PRKCH: variants seen among roughly 807,000 people sequenced by gnomAD.
PRKCH encodes protein kinase C eta type.
Under a neutral mutation model 82.5 loss-of-function variants are expected in PRKCH, and 28 were observed. The observed-to-expected ratio is 0.34, with a 90% CI of 0.25 to 0.47. PRKCH has a LOEUF of 0.47. Among genes scored for constraint, PRKCH ranks in the 20% least tolerant of loss-of-function variants. The probability of loss-of-function intolerance (pLI) is 1.00; values close to 1 mark genes in which losing one functional copy is unlikely to be tolerated. For synonymous variants in PRKCH, 322 were observed against 327.4 expected, an observed-to-expected ratio of 0.98 and a Z score of 0.18; for missense variants, 705 against 881.8, an observed-to-expected ratio of 0.80 and a Z score of 2.54.
At chr14:61,449,900 C>CTCTCTGTG (rs1351833573) in intron 5 of PRKCH, among the ~76,000 whole-genome samples, 22 of 37,000 alleles carry the variant, frequency 5.9e-4, no homozygotes, top group African/African-American at 9.7e-4. Flanking sequence ...CTCTCTCTCT[C>CTCTCTGTG]TGTGTGTGTG....
intron 1 of PRKCH, among the ~76,000 whole-genome samples, chr14:61,256,795 T>G (rs1422983261): frequency 6.6e-6 from 1 of 152,222 alleles, no homozygotes; most frequent in African/African-American, 2.4e-5. Context: ...TATATACCAC[T>G]TAACCATGCA....
intron 1 of PRKCH, among the ~76,000 whole-genome samples, chr14:61,335,992 A>G (rs1283571067): frequency 6.6e-6 from 1 of 152,190 alleles, no homozygotes; most frequent in Non-Finnish European, 1.5e-5. Flanking sequence ...AACCCCTGCA[A>G]GCCTGTTCTC....
chr14:61,280,801 T>C lies in PRKCH; in HGVS notation c.-19+93133T>C, dbSNP rs774916227. ...GTAGCGCCGGTTGTTCTGGTAGAAG[T>C]TGGTCAGCTCGTAGTAGAGGTACAC... is the stretch of plus-strand genomic sequence containing the variant. On this transcript the variant is annotated intron_variant, in intron 1 of 3. Coordinates refer to the PRKCH transcript ENST00000555185. This position sits in a 1 kb window ranked among gnomAD's most constrained non-coding sequence, Gnocchi z 5.0. 1.9e-6 allele frequency: 3 copies of C among 1,560,612 alleles called. No homozygotes were observed. The highest frequency in any genetic ancestry group is 1.7e-4 in the Middle Eastern group (1 of 5,938).
At chr14:61,361,638 A>G (rs1176849224) in intron 1 of PRKCH, among the ~76,000 whole-genome samples, 1 of 152,162 alleles carries the variant, frequency 6.6e-6, no homozygotes, top group Non-Finnish European at 1.5e-5. Context: ...ATAGACTGGG[A>G]ATAGAAATCC....
chr14:61,352,262 A>G (rs879815765), intron 1 of PRKCH, among the ~76,000 whole-genome samples: 3 of 152,052 alleles, frequency 2.0e-5, no homozygotes, highest in African/African-American at 7.3e-5. Flanking sequence ...TTTTTGAACT[A>G]TTTCCCTTAT....
At chr14:61,540,449 G>C (rs2043168679) in intron 12 of PRKCH, among the ~76,000 whole-genome samples, 1 of 152,192 alleles carries the variant, frequency 6.6e-6, no homozygotes, top group Non-Finnish European at 1.5e-5. Context: ...CGTAGGGACT[G>C]AGAGCAAAGG....
At chr14:61,381,039 CTTTA>C (rs2046501677) in intron 1 of PRKCH, among the ~76,000 whole-genome samples, 1 of 152,122 alleles carries the variant, frequency 6.6e-6, no homozygotes, top group Non-Finnish European at 1.5e-5. Flanking sequence ...TAGAGAGTTT[CTTTA>C]GTAGTCTTCA....
chr14:61,454,116 A>G (rs1178138795), intron 7 of PRKCH, among the ~76,000 whole-genome samples: 2 of 127,782 alleles, frequency 1.6e-5, no homozygotes, highest in Non-Finnish European at 3.5e-5. Flanking sequence ...TCTTTTTTCT[A>G]TTTGTTTTTT....
intron 1 of PRKCH, among the ~76,000 whole-genome samples, chr14:61,382,499 T>C (rs1256540763): frequency 6.6e-6 from 1 of 152,204 alleles, no homozygotes; most frequent in Non-Finnish European, 1.5e-5. Context: ...TCCTGTTAGG[T>C]TATTCATACA....
intron 2 of PRKCH, among the ~76,000 whole-genome samples, chr14:61,431,292 C>A (rs1883383776): frequency 1.3e-5 from 2 of 152,322 alleles, no homozygotes; most frequent in African/African-American, 4.8e-5. Flanking sequence ...CAAGGAAAAA[C>A]CAAGGGAGGA....
intron 2 of PRKCH, among the ~76,000 whole-genome samples, chr14:61,396,758 A>G (rs1226253578): frequency 6.6e-6 from 1 of 152,038 alleles, no homozygotes; most frequent in African/African-American, 2.4e-5. Flanking sequence ...GAGGTGCTAA[A>G]GGTAGGGGGT....
chr14:61,279,998 G>T (rs920351967), intron 1 of PRKCH: 1 of 1,086,590 alleles, frequency 9.2e-7, no homozygotes, highest in Non-Finnish European at 1.3e-6. Flanking sequence ...AAAGCTAGGC[G>T]AGGTTGGAAT....
Position 61,453,510 on chromosome 14 carries a change from CTTTT to C in PRKCH, c.960+160_960+163del, listed in dbSNP as rs1339645721. On this transcript the variant is annotated intron_variant, in intron 7 of 13. Coordinates refer to ENST00000332981, the MANE Select transcript of PRKCH (RefSeq NM_006255.5). Reference sequence around the variant, plus strand: ...TTTCTTTCTTTCTCTTTCTTTCTTTCTTTTTTCTTTTCTTTCTTTCTCTTTCTTT... The same window carrying C: ...TTTCTTTCTTTCTCTTTCTTTCTTTCTTCTTTTCTTTCTTTCTCTTTCTTT... Among the ~76,000 whole-genome samples the C allele has an allele frequency of 7.2e-4, 110 of 151,782 alleles. 2 individuals carry two copies. The highest frequency in any genetic ancestry group is 2.5e-3 in the African/African-American group (104 of 41,302).
chr14:61,498,099 C>T (rs1271154847), intron 10 of PRKCH, among the ~76,000 whole-genome samples: 1 of 152,108 alleles, frequency 6.6e-6, no homozygotes, highest in Admixed American at 6.5e-5. Context: ...ACTGCAGCCT[C>T]TCCTCCCGGG....
At chr14:61,539,930 G>A (rs986013689) in intron 12 of PRKCH, among the ~76,000 whole-genome samples, 4 of 152,316 alleles carry the variant, frequency 2.6e-5, no homozygotes, top group Non-Finnish European at 4.4e-5. Flanking sequence ...ACCACATTAC[G>A]TGTTTTAGTT....
intron 1 of PRKCH, among the ~76,000 whole-genome samples, chr14:61,385,545 T>C (rs2140191899): frequency 6.6e-6 from 1 of 152,300 alleles, no homozygotes; most frequent in Non-Finnish European, 1.5e-5. Flanking sequence ...CTCGCTGCAT[T>C]GGTAAAGGGC....
chr14:61,535,236 A>G (rs750434142), intron 12 of PRKCH, among the ~76,000 whole-genome samples: 3 of 152,214 alleles, frequency 2.0e-5, no homozygotes, highest in Non-Finnish European at 4.4e-5. Context: ...GAATTCAGTG[A>G]TGAGTGAGGC....
At chr14:61,494,088 G>A (rs997450492) in intron 10 of PRKCH, among the ~76,000 whole-genome samples, 1 of 152,156 alleles carries the variant, frequency 6.6e-6, no homozygotes, top group Admixed American at 6.5e-5. Flanking sequence ...TACTCCAGTG[G>A]AGATGCTCCA....
chr14:61,332,833 C>T (rs537032671), intron 1 of PRKCH, among the ~76,000 whole-genome samples: 2 of 152,230 alleles, frequency 1.3e-5, no homozygotes, highest in Admixed American at 6.5e-5. Flanking sequence ...GTCGCAAGCC[C>T]TTAAATATGA....
Sources: allele counts gnomAD v4.1 joint callset (sites outside exome capture counted in the v4.1 genomes callset), GRCh38; gene constraint gnomAD v4.1.1; non-coding constraint Gnocchi (gnomAD v3.1); transcripts MANE v1.5; gene names NCBI Gene and HGNC (gene_info 2026-07-23, HGNC 2026-07-21).